Variants in DDX60 observed in about 807,000 individuals in gnomAD.
DDX60 encodes DExD/H-box helicase 60.
A neutral mutation model predicts 212.8 loss-of-function variants in DDX60; 165 were observed. The observed-to-expected ratio is 0.78, with a 90% CI of 0.68 to 0.88. DDX60 has a LOEUF of 0.88. DDX60 is among the 40% of genes least tolerant of loss of function. The pLI, the probability that DDX60 is intolerant of heterozygous loss-of-function variation, is 0.00. For missense variants in DDX60, 1,905 were observed against 2,003.9 expected, an observed-to-expected ratio of 0.95 and a Z score of 0.94; for synonymous variants, 703 against 685.3, an observed-to-expected ratio of 1.03 and a Z score of -0.40.
intron 13 of DDX60, among the ~76,000 whole-genome samples, chr4:168,281,535 G>A (rs1036300287): frequency 6.6e-6 from 1 of 152,206 alleles, no homozygotes; most frequent in African/African-American, 2.4e-5. Flanking sequence ...GAAAGAGGAA[G>A]AAGAGGAGTA....
intron 30 of DDX60, among the ~76,000 whole-genome samples, chr4:168,243,630 C>T (rs531491243): frequency 6.6e-6 from 1 of 152,232 alleles, no homozygotes; most frequent in Non-Finnish European, 1.5e-5. Flanking sequence ...TGCAGAGAAA[C>T]AGGAATGCTT....
chr4:168,278,942 T>A (rs1211570272), intron 14 of DDX60, among the ~76,000 whole-genome samples: 1 of 152,090 alleles, frequency 6.6e-6, no homozygotes. Flanking sequence ...AAGGATACCA[T>A]CCAAAGCAAG....
At chr4:168,280,276 C>A in intron 14 of DDX60, 59 bp downstream of exon 14, 1 of 1,539,658 alleles carries the variant, frequency 6.5e-7, no homozygotes, top group Non-Finnish European at 8.7e-7. Flanking sequence ...TGGCAACTAT[C>A]ATCATTACAT....
At chr4:168,220,602 T>C (rs1733018900) in intron 37 of DDX60, 53 bp downstream of exon 37, 2 of 1,058,424 alleles carry the variant, frequency 1.9e-6, no homozygotes, top group Non-Finnish European at 2.7e-6. Context: ...ATTTTTCAAA[T>C]TATAAATAAA....
intron 23 of DDX60, 136 bp downstream of exon 23, chr4:168,262,547 A>G (rs1397051959): frequency 4.4e-5 from 27 of 608,416 alleles, no homozygotes. Flanking sequence ...TGTTAGAAAT[A>G]TGAGAAGAGG....
At chr4:168,244,071 A>C (rs1733940822) in intron 30 of DDX60, among the ~76,000 whole-genome samples, 3 of 152,148 alleles carry the variant, frequency 2.0e-5, no homozygotes, top group Admixed American at 2.0e-4. Flanking sequence ...ACATGGACCC[A>C]GGGAGGGGAA....
intron 33 of DDX60, among the ~76,000 whole-genome samples, chr4:168,230,371 A>C (rs1326750517): frequency 1.3e-5 from 2 of 152,154 alleles, no homozygotes; most frequent in African/African-American, 2.4e-5. Flanking sequence ...TGGACTTAAC[A>C]GATATTTACA....
intron 37 of DDX60, among the ~76,000 whole-genome samples, chr4:168,219,127 CA>C (rs111466077): frequency 0.039 from 5,200 of 132,054 alleles, 224 homozygotes; most frequent in African/African-American, 0.12. Context: ...ACTAAAATAC[CA>C]AAAAAAAAAA....
chr4:168,252,124 T>C (rs72975330), intron 27 of DDX60, among the ~76,000 whole-genome samples: 10,159 of 152,286 alleles, frequency 0.067, 1,055 homozygotes, highest in African/African-American at 0.23. Context: ...GCATGTGAAA[T>C]TGAAGTCTAG....
intron 5 of DDX60, 88 bp downstream of exon 5, chr4:168,306,291 C>T: frequency 2.4e-6 from 2 of 838,932 alleles, no homozygotes; most frequent in Non-Finnish European, 3.7e-6. Context: ...CTGATAATTT[C>T]CTAGAGGAGG....
At chr4:168,275,989 A>ATACCTAATAATTACCTCAATTATCAGAAT (rs1735318261) in intron 15 of DDX60, 26 bp downstream of exon 15, 1 of 1,564,158 alleles carries the variant, frequency 6.4e-7, no homozygotes, top group Admixed American at 1.8e-5. Flanking sequence ...TACCCTGTTG[A>ATACCTAATAATTACCTCAATTATCAGAAT]AATTGAGCTA....
rs61439775 is a variant in DDX60 at position 168,312,727 on chromosome 4, C to CAGATAGATAGAT, written c.-106-1374_-106-1363dup. Among the ~76,000 whole-genome samples the CAGATAGATAGAT allele has an allele frequency of 1.0e-4, 15 of 150,060 alleles. No homozygotes were observed. In the Middle Eastern group the frequency reaches 0.01, roughly 103 times the overall value. On this transcript the variant is annotated intron_variant, in intron 1 of 37. Coordinates refer to ENST00000393743, the MANE Select transcript of DDX60 (RefSeq NM_017631.6). ...TAGATAGATATAGATGATGGATACA[C>CAGATAGATAGAT]AGATAGATAGATAGATAGATATGAT...
At position 168,284,944 on chromosome 4, in the gene DDX60, CAA is replaced by C. The variant is rs758667845; in HGVS notation, c.1446-11_1446-10del. On this transcript the variant is annotated splice_polypyrimidine_tract_variant and intron_variant, in intron 11 of 37. Coordinates refer to ENST00000393743, the MANE Select transcript of DDX60 (RefSeq NM_017631.6). ...TAACAATAGGATCATCACTGTGAGA[CAA>C]AAAAAGGCATATTTTAAATTGCACA... is the stretch of plus-strand genomic sequence containing the variant. The C allele has an allele frequency of 7.4e-7, 1 of 1,343,528 alleles. No homozygotes were observed. Among genetic ancestry groups the C allele is most frequent in the Non-Finnish European group, 1.0e-6 (1 of 961,748 alleles). The allele number at this position is 1,343,528 out of a possible 1,614,324, so 83.2% of individuals were successfully genotyped here.
rs72975360 is a variant in DDX60, at chr4:168,262,422, T to C, written c.3144+261A>G. On this transcript the variant is annotated intron_variant, in intron 23 of 37. Transcript: ENST00000393743. The stretch of plus-strand genomic sequence containing the variant: ...TCTAAGGTGTAAGAAGACTGAAATA[T>C]AATAGTGTTCTAGAAGTTGCAGAAG... Among the ~76,000 whole-genome samples the C allele has an allele frequency of 5.1e-3, 774 of 150,972 alleles. 8 individuals carry two copies. Among genetic ancestry groups the C allele is most frequent in the African/African-American group, 0.018 (738 of 41,098 alleles).
chr4:168,240,123 T>G (rs1480324961), intron 30 of DDX60, among the ~76,000 whole-genome samples: 1 of 152,048 alleles, frequency 6.6e-6, no homozygotes, highest in East Asian at 1.9e-4. Flanking sequence ...CAGCAAAATC[T>G]CAGCATACAA....
chr4:168,289,910 T>C (rs1408694372), intron 8 of DDX60, among the ~76,000 whole-genome samples: 1 of 152,154 alleles, frequency 6.6e-6, no homozygotes, highest in Non-Finnish European at 1.5e-5. Context: ...ACTGAGGTAA[T>C]AGCCACCTAA....
rs532894309 is a variant in DDX60 at position 168,283,052 on chromosome 4, A to T, written c.1722+394T>A. 3.9e-3 allele frequency among the ~76,000 whole-genome samples: 592 copies of T among 152,262 alleles called. 2 individuals carry two copies. The highest frequency in any genetic ancestry group is 0.013 in the African/African-American group (543 of 41,572). On this transcript the variant is annotated intron_variant, in intron 13 of 37. Transcript: ENST00000393743. Reference sequence around the variant, plus strand: ...TTAATCAATCATTTAAATACTTTGGAAAAGTGTAAACACTCTTTATAATTT... The same window carrying T: ...TTAATCAATCATTTAAATACTTTGGTAAAGTGTAAACACTCTTTATAATTT...
At chr4:168,315,133 C>G (rs1379439832) in intron 1 of DDX60, among the ~76,000 whole-genome samples, 1 of 152,132 alleles carries the variant, frequency 6.6e-6, no homozygotes, top group South Asian at 2.1e-4. Context: ...ATTTACTTAT[C>G]TATAAAATTG....
At position 168,216,988 on chromosome 4, in the gene DDX60, A is replaced by G. The variant is rs749208035; in HGVS notation, c.5084T>C (p.Val1695Ala). ...TGTACTCAGTTGTTCAAAGGCTAAG[A>G]CAACGTTGTCGTCTTCATTTTCACA... ...ELCENEDDNV[V>A]LAFEQLSTTF... Residue 1695 changes from valine (V) to alanine (A), a missense_variant, in exon 38 of 38, where the codon GTC becomes GCC. By Grantham distance (64) the Val-to-Ala change is moderately conservative. Coordinates refer to ENST00000393743, the MANE Select transcript of DDX60 (RefSeq NM_017631.6). 17 of 1,605,844 alleles carry G rather than the reference A, an allele frequency of 1.1e-5. No individual in the cohort carries two copies. Among genetic ancestry groups the G allele is most frequent in the Admixed American group, 1.7e-5 (1 of 58,022 alleles).
Sources: gnomAD v4.1 joint callset for allele counts (sites outside exome capture counted in the v4.1 genomes callset) on GRCh38, gnomAD v4.1.1 for gene constraint, MANE v1.5 for transcripts, NCBI Gene and HGNC (gene_info 2026-07-23, HGNC 2026-07-21) for gene names.